Variants in PRKAB1 observed in about 807,000 individuals in gnomAD.
The protein encoded by PRKAB1 is 5'-AMP-activated protein kinase subunit beta-1.
PRKAB1 carries 18 observed loss-of-function variants against 32.0 expected under a neutral mutation model. The ratio of observed to expected loss-of-function variants is 0.56; its 90% CI spans 0.39 to 0.83. The LOEUF is 0.83. Among genes scored for constraint, PRKAB1 ranks in the 40% least tolerant of loss-of-function variants. PRKAB1 has a pLI of 0.00. For synonymous variants in PRKAB1, 141 were observed against 141.4 expected (o/e 1.00, Z 0.02); for missense variants, 263 against 352.6 (o/e 0.75, Z 2.03).
chr12:119,668,475 G>T, intron 1 of PRKAB1, 72 bp downstream of exon 1: 1 of 1,553,870 alleles, frequency 6.4e-7, no homozygotes, highest in South Asian at 1.2e-5. Flanking sequence ...CTAGATTCCC[G>T]TCACATCCTT....
rs1955462293 is a variant in PRKAB1 at position 119,681,289 on chromosome 12, T to C, written c.*964T>C. On this transcript the variant is annotated 3_prime_UTR_variant, in exon 7 of 7. Transcript: ENST00000229328. Reference sequence around the variant, plus strand: ...TAGTTAGCAAGACTGCAGCAGTTGCTGTTGCTTATTCTGAAAGGAATGTAG... The same window carrying C: ...TAGTTAGCAAGACTGCAGCAGTTGCCGTTGCTTATTCTGAAAGGAATGTAG... 1 of 152,264 alleles carries C rather than the reference T, an allele frequency of 6.6e-6. No homozygotes were observed. 9.4% of individuals were successfully genotyped at this position (152,264 alleles called of 1,614,324 possible). A position where few individuals can be genotyped will look rare whatever the true frequency, so the allele number is the denominator to read the frequency against.
chr12:119,674,485 G>C lies in PRKAB1; in HGVS notation c.532+31G>C. On this transcript the variant is annotated intron_variant, in intron 4 of 6. Coordinates refer to ENST00000229328, the MANE Select transcript of PRKAB1 (RefSeq NM_006253.5). The surrounding 1 kb of genome is among the most constrained non-coding windows in gnomAD (Gnocchi z 4.3). ...AACACAGTTATTTTATACCACATGCGTGCAGGTGGGGGCTGTACAGTCTAG... is the reference window on the plus strand; with the variant it reads ...AACACAGTTATTTTATACCACATGCCTGCAGGTGGGGGCTGTACAGTCTAG... The C allele has an allele frequency of 6.9e-7, 1 of 1,451,316 alleles. No homozygotes were observed. Among genetic ancestry groups the C allele is most frequent in the Non-Finnish European group, 9.7e-7 (1 of 1,033,406 alleles). The allele number at this position is 1,451,316 out of a possible 1,614,324, so 89.9% of individuals were successfully genotyped here.
Position 119,668,357 on chromosome 12 carries a change from T to A in PRKAB1, c.113T>A (p.Met38Lys). The A allele has an allele frequency of 6.2e-7, 1 of 1,613,434 alleles. No homozygotes were observed. Among genetic ancestry groups the A allele is most frequent in the South Asian group, 1.1e-5 (1 of 90,908 alleles). ...GACGGGGACAGGCCCAAGATCCTGA[T>A]GGACAGCCCCGAAGACGCCGACCTC... ...TKDGDRPKIL[M>K]DSPEDADLFH... Residue 38 changes from methionine (M) to lysine (K), a missense_variant, in exon 1 of 7, where the codon ATG becomes AAG. Met to Lys is a moderately conservative substitution (Grantham distance 95). Coordinates refer to ENST00000229328, the MANE Select transcript of PRKAB1 (RefSeq NM_006253.5).
Position 119,680,664 on chromosome 12 carries a change from C to CAAAAAT in PRKAB1, c.*340_*345dup, listed in dbSNP as rs1955458421. Reference sequence around the variant, plus strand: ...CCTACATTCTCGATTTTTCTTAAGCCAAAAATGAATGCTAACTCCTTTGCC... The same window carrying CAAAAAT: ...CCTACATTCTCGATTTTTCTTAAGCCAAAAATAAAAATGAATGCTAACTCCTTTGCC... On this transcript the variant is annotated 3_prime_UTR_variant, in exon 7 of 7. Coordinates refer to ENST00000229328, the MANE Select transcript of PRKAB1 (RefSeq NM_006253.5). 6 of 257,000 alleles carry CAAAAAT rather than the reference C, an allele frequency of 2.3e-5. No individual in the cohort carries two copies. Among genetic ancestry groups the CAAAAAT allele is most frequent in the Middle Eastern group, 1.2e-3 (1 of 818 alleles). The allele number at this position is 257,000 out of a possible 1,614,324, so 15.9% of individuals were successfully genotyped here.
Position 119,672,356 on chromosome 12 carries a change from A to G in PRKAB1, c.215A>G (p.Lys72Arg). 1 of 1,613,058 alleles carries G rather than the reference A, an allele frequency of 6.2e-7. No homozygotes were observed. Among genetic ancestry groups the G allele is most frequent in the Non-Finnish European group, 8.5e-7 (1 of 1,179,588 alleles). The change falls in exon 2 of 7, where the codon AAA (lysine) becomes AGA (arginine). Residue 72 changes from lysine (K) to arginine (R), a missense_variant. Physicochemically the swap from Lys to Arg is conservative, Grantham distance 26. Coordinates refer to ENST00000229328, the MANE Select transcript of PRKAB1 (RefSeq NM_006253.5). ...AWQHDLEVND[K>R]APAQARPTVF... is the part of the protein sequence containing the mutation. ...CAGCATGATCTGGAAGTGAATGATAAAGCTCCCGCCCAGGCTCGGCCAACG... is the reference window on the plus strand; with the variant it reads ...CAGCATGATCTGGAAGTGAATGATAGAGCTCCCGCCCAGGCTCGGCCAACG...
rs745730456 is a variant in PRKAB1 at position 119,672,400 on chromosome 12, G to T, written c.259G>T (p.Gly87Cys). 5 of 1,611,064 alleles carry T rather than the reference G, an allele frequency of 3.1e-6. No individual in the cohort carries two copies. Among genetic ancestry groups the T allele is most frequent in the Middle Eastern group, 3.3e-4 (2 of 6,028 alleles). The change falls in exon 2 of 7, where the codon GGC becomes TGC. Residue 87 changes from glycine (G) to cysteine (C), a missense_variant. Physicochemically the swap from Gly to Cys is radical, Grantham distance 159 (BLOSUM62 -3). Coordinates refer to ENST00000229328, the MANE Select transcript of PRKAB1 (RefSeq NM_006253.5). ...ARPTVFRWTG[G>C]GKEVYLSGSF... Reference sequence around the variant, plus strand: ...GCCAACGGTGTTTCGATGGACGGGGGGCGGAAAGGAAGTTTACTTATCTGG... The same window carrying T: ...GCCAACGGTGTTTCGATGGACGGGGTGCGGAAAGGAAGTTTACTTATCTGG...
intron 1 of PRKAB1, among the ~76,000 whole-genome samples, chr12:119,670,163 A>G (rs1257531653): frequency 6.6e-6 from 1 of 152,206 alleles, no homozygotes; most frequent in Non-Finnish European, 1.5e-5. Flanking sequence ...GTCCAAGGAC[A>G]CTTAGTGATT....
Position 119,672,359 on chromosome 12 carries a change from C to G in PRKAB1, c.218C>G (p.Ala73Gly). ...WQHDLEVNDK[A>G]PAQARPTVFR... ...CATGATCTGGAAGTGAATGATAAAG[C>G]TCCCGCCCAGGCTCGGCCAACGGTG... The change falls in exon 2 of 7, where the codon GCT becomes GGT. Residue 73 changes from alanine to glycine, a missense_variant. Coordinates refer to ENST00000229328, the MANE Select transcript of PRKAB1 (RefSeq NM_006253.5). The G allele has an allele frequency of 6.2e-7, 1 of 1,613,190 alleles. No homozygotes were observed. Among genetic ancestry groups the G allele is most frequent in the Non-Finnish European group, 8.5e-7 (1 of 1,179,660 alleles).
intron 2 of PRKAB1, 102 bp from the exon 3 acceptor site, chr12:119,673,862 C>T: frequency 1.1e-6 from 1 of 927,912 alleles, no homozygotes. Flanking sequence ...CAGCTGAACT[C>T]TTGGTTTTAT....
At chr12:119,675,481 G>A (rs957448093) in intron 4 of PRKAB1, among the ~76,000 whole-genome samples, 6 of 152,172 alleles carry the variant, frequency 3.9e-5, no homozygotes, top group African/African-American at 1.4e-4. Context: ...AGGGAATGGA[G>A]GAAGTGTGCC....
In PRKAB1 at chr12:119,676,562, C is replaced by T. The variant is rs763045716; in HGVS notation, c.558C>T (p.Pro186=). 6.2e-7 allele frequency: 1 copy of T among 1,613,708 alleles called. No homozygotes were observed. The highest frequency in any genetic ancestry group is 1.1e-5 in the South Asian group (1 of 91,054). The change falls in exon 5 of 7, where the codon CCC becomes CCT. Residue 186 remains proline (P), a synonymous_variant. Transcript: ENST00000229328. ...VSELSSSPPG[P]YHQEPYVCKP... ...AGCTGTCCAGTTCTCCCCCAGGACCCTACCATCAGGAGCCCTACGTCTGCA... is the reference window on the plus strand; with the variant it reads ...AGCTGTCCAGTTCTCCCCCAGGACCTTACCATCAGGAGCCCTACGTCTGCA...
In PRKAB1 at chr12:119,680,010, A is replaced by T; in HGVS notation, c.735+9A>T. 6.2e-7 allele frequency: 1 copy of T among 1,610,620 alleles called. No individual in the cohort carries two copies. ...ACGCGCTGTCTATCAAGGTAATGACATGTCTGTCCCCATGAGAGCTGTGTT... is the reference window on the plus strand; with the variant it reads ...ACGCGCTGTCTATCAAGGTAATGACTTGTCTGTCCCCATGAGAGCTGTGTT... On this transcript the variant is annotated intron_variant, in intron 6 of 6. Transcript: ENST00000229328.
At chr12:119,671,861 G>A (rs1333606281) in intron 1 of PRKAB1, among the ~76,000 whole-genome samples, 1 of 152,096 alleles carries the variant, frequency 6.6e-6, no homozygotes, top group Admixed American at 6.5e-5. Flanking sequence ...TAAAAATATG[G>A]TATAATCTTA....
At chr12:119,673,939 T>TC in intron 2 of PRKAB1, 25 bp from the exon 3 acceptor site, 1 of 1,601,248 alleles carries the variant, frequency 6.2e-7, no homozygotes. Context: ...CCCACGGAAG[T>TC]CCTCTGCTTC....
intron 1 of PRKAB1, among the ~76,000 whole-genome samples, chr12:119,671,890 A>G (rs1332007953): frequency 6.6e-6 from 1 of 152,252 alleles, no homozygotes; most frequent in Non-Finnish European, 1.5e-5. Flanking sequence ...CCATATACAC[A>G]GTCCGTCGTT....
chr12:119,674,266 G>A lies in PRKAB1; in HGVS notation c.418-74G>A. The stretch of plus-strand genomic sequence containing the variant: ...CCAGGAGATGAGGCCTTCCAGCCAG[G>A]AATTCCAAGTCCTCTGAAGAATAAC... On this transcript the variant is annotated intron_variant, in intron 3 of 6. Coordinates refer to ENST00000229328, the MANE Select transcript of PRKAB1 (RefSeq NM_006253.5). This position sits in a 1 kb window ranked among gnomAD's most constrained non-coding sequence, Gnocchi z 4.3. 1 of 1,287,080 alleles carries A rather than the reference G, an allele frequency of 7.8e-7. No individual in the cohort carries two copies. The highest frequency in any genetic ancestry group is 1.1e-6 in the Non-Finnish European group (1 of 902,556). 79.7% of individuals were successfully genotyped at this position (1,287,080 alleles called of 1,614,324 possible). A position where few individuals can be genotyped will look rare whatever the true frequency, so the allele number is the denominator to read the frequency against.
In PRKAB1 at chr12:119,679,834, C is replaced by A; in HGVS notation, c.667-99C>A. On this transcript the variant is annotated intron_variant, in intron 5 of 6. Coordinates refer to ENST00000229328, the MANE Select transcript of PRKAB1 (RefSeq NM_006253.5). The surrounding 1 kb of genome is among the most constrained non-coding windows in gnomAD (Gnocchi z 4.1). ...ATTTGGGAAGAGAGGTCGGCCTGAG[C>A]GCTGCCTCCTGTCCTTTGATATCTG... 1 of 1,313,486 alleles carries A rather than the reference C, an allele frequency of 7.6e-7. No homozygotes were observed. 81.4% of individuals were successfully genotyped at this position (1,313,486 alleles called of 1,614,324 possible). A position where few individuals can be genotyped will look rare whatever the true frequency, so the allele number is the denominator to read the frequency against.
At position 119,674,809 on chromosome 12, in the gene PRKAB1, A is replaced by C. The variant is rs1428527042; in HGVS notation, c.532+355A>C. On this transcript the variant is annotated intron_variant, in intron 4 of 6. Coordinates refer to ENST00000229328, the MANE Select transcript of PRKAB1 (RefSeq NM_006253.5). This position sits in a 1 kb window ranked among gnomAD's most constrained non-coding sequence, Gnocchi z 4.3. ...CCAGCACTGGGGAAGCCTGTGTCTC[A>C]TCCCACTTGTGGTGCCTGAAGAATT... is the stretch of plus-strand genomic sequence containing the variant. Among the ~76,000 whole-genome samples, 2 of 152,332 alleles carry C rather than the reference A, an allele frequency of 1.3e-5. No homozygotes were observed. The highest frequency in any genetic ancestry group is 3.9e-4 in the East Asian group (2 of 5,186).
In PRKAB1 at chr12:119,674,448, G is replaced by C. The variant is rs773272756; in HGVS notation, c.526G>C (p.Val176Leu). 3 of 1,608,470 alleles carry C rather than the reference G, an allele frequency of 1.9e-6. No homozygotes were observed. Among genetic ancestry groups the C allele is most frequent in the Non-Finnish European group, 1.7e-6 (2 of 1,174,790 alleles). The stretch of plus-strand genomic sequence containing the variant: ...GGTGGATTCCCAAAAGTGCTCCGAT[G>C]TGTCTGGTATGAACACAGTTATTTT... The part of the protein sequence containing the change: ...LMVDSQKCSD[V>L]SELSSSPPGP... Residue 176 changes from valine to leucine, a missense_variant, in exon 4 of 7, where the codon GTG becomes CTG. Physicochemically the swap from Val to Leu is conservative, Grantham distance 32. Coordinates refer to ENST00000229328, the MANE Select transcript of PRKAB1 (RefSeq NM_006253.5). The surrounding 1 kb of genome is among the most constrained non-coding windows in gnomAD (Gnocchi z 4.3).
Sources: allele counts gnomAD v4.1 joint callset (sites outside exome capture counted in the v4.1 genomes callset), GRCh38; gene constraint gnomAD v4.1.1; non-coding constraint Gnocchi (gnomAD v3.1); transcripts MANE v1.5; gene names NCBI Gene and HGNC (gene_info 2026-07-23, HGNC 2026-07-21).